C2orf72: variants seen among roughly 807,000 people sequenced by gnomAD.
The protein encoded by C2orf72 is chromosome 2 open reading frame 72.
Under a neutral mutation model 14.4 loss-of-function variants are expected in C2orf72, and 16 were observed. The ratio of observed to expected loss-of-function variants is 1.11; its 90% CI spans 0.75 to 1.69. The LOEUF is 1.69. Ranked by LOEUF, C2orf72 falls within the 40% of genes most tolerant of loss-of-function variation. The pLI, the probability that C2orf72 is intolerant of heterozygous loss-of-function variation, is 0.00. For missense variants in C2orf72, 371 were observed against 358.3 expected (o/e 1.04, Z -0.29); for synonymous variants, 168 against 176.8 (o/e 0.95, Z 0.40).
At chr2:231,038,258 A>T in intron 1 of C2orf72, 59 bp downstream of exon 1, 2 of 1,144,008 alleles carry the variant, frequency 1.7e-6, no homozygotes, top group Non-Finnish European at 2.2e-6. Context: ...CACGTCCCCC[A>T]AGTTGGACCC....
intron 1 of C2orf72, among the ~76,000 whole-genome samples, chr2:231,039,611 C>T (rs1338499002): frequency 6.6e-6 from 1 of 152,138 alleles, no homozygotes; most frequent in Non-Finnish European, 1.5e-5. Flanking sequence ...CCCTAACCCT[C>T]CTCCCTTAGG....
rs1693334199 is a variant in C2orf72 at position 231,041,134 on chromosome 2, A to T, written c.635-162A>T. 5.5e-6 allele frequency: 3 copies of T among 544,778 alleles called. No homozygotes were observed. In the East Asian group the frequency reaches 9.3e-5, roughly 17 times the overall value. The allele number at this position is 544,778 out of a possible 1,614,324, so 33.7% of individuals were successfully genotyped here. A position where few individuals can be genotyped will look rare whatever the true frequency, so the allele number is the denominator to read the frequency against. On this transcript the variant is annotated intron_variant, in intron 1 of 2. Transcript: ENST00000373640. ...GCAATCATTTTTAAAGTTCGGTTTT[A>T]AAAACCCACCCACTTTTGCAAATCA...
In C2orf72 at chr2:231,041,315, G is replaced by A; in HGVS notation, c.654G>A (p.Arg218=). 1 of 1,551,176 alleles carries A rather than the reference G, an allele frequency of 6.4e-7. No homozygotes were observed. The highest frequency in any genetic ancestry group is 8.7e-7 in the Non-Finnish European group (1 of 1,146,726). The change falls in exon 2 of 3, where the codon AGG becomes AGA. Residue 218 remains arginine (R), a synonymous_variant. Transcript: ENST00000373640. Reference sequence around the variant, plus strand: ...TCCTAGTGGAAGGAGCCTGGGAGAGGCCAGGCCTCCCCGGACTGCTAGCCT... The same window carrying A: ...TCCTAGTGGAAGGAGCCTGGGAGAGACCAGGCCTCCCCGGACTGCTAGCCT... ...AGQPVEGAWE[R]PGLPGLLACF...
Position 231,047,005 on chromosome 2 carries a change from C to T in C2orf72, c.872C>T (p.Thr291Ile). The change falls in exon 3 of 3, where the codon ACC becomes ATC. Residue 291 changes from threonine (T) to isoleucine (I), a missense_variant. Thr to Ile is a moderately conservative substitution (Grantham distance 89, BLOSUM62 -1). This residue lies in a region of C2orf72 where 145 missense variants were observed against 149.4 expected (regional missense o/e 0.97). Coordinates refer to ENST00000373640, the MANE Select transcript of C2orf72 (RefSeq NM_001144994.2). ...DGVVHTPAEP[T>I]GDSR ...GTCGTACACACTCCTGCTGAGCCCA[C>T]CGGAGACTCAAGATGAAGGCTGGAC... 4 of 1,551,704 alleles carry T rather than the reference C, an allele frequency of 2.6e-6. No homozygotes were observed. The highest frequency in any genetic ancestry group is 3.5e-6 in the Non-Finnish European group (4 of 1,146,986).
intron 1 of C2orf72, 147 bp downstream of exon 1, chr2:231,038,346 C>A: frequency 1.5e-6 from 1 of 656,552 alleles, no homozygotes; most frequent in Non-Finnish European, 2.0e-6. Flanking sequence ...GGCCTCGCAG[C>A]TAGCGGAGAG....
rs1693446275 is a variant in C2orf72 at position 231,048,381 on chromosome 2, CTTTGA to C, written c.*1365_*1369del. On this transcript the variant is annotated 3_prime_UTR_variant, in exon 3 of 3. Transcript: ENST00000373640. Reference sequence around the variant, plus strand: ...CGGTGCCCTGCAAGGTGCTGCCTAACTTTGATTTGTTATTTCAGCTCTCTCCAGGA... The same window carrying C: ...CGGTGCCCTGCAAGGTGCTGCCTAACTTTGTTATTTCAGCTCTCTCCAGGA... 2.0e-5 allele frequency: 3 copies of C among 152,436 alleles called. No individual in the cohort carries two copies. Among genetic ancestry groups the C allele is most frequent in the South Asian group, 4.1e-4 (2 of 4,832 alleles). 9.4% of individuals were successfully genotyped at this position (152,436 alleles called of 1,614,324 possible).
intron 1 of C2orf72, among the ~76,000 whole-genome samples, 158 bp downstream of exon 1, chr2:231,038,357 C>T (rs929008452): frequency 3.9e-5 from 6 of 152,148 alleles, no homozygotes; most frequent in Admixed American, 2.0e-4. Flanking sequence ...TAGCGGAGAG[C>T]GGGCCGTGCG....
At chr2:231,046,761 T>G in intron 2 of C2orf72, 121 bp from the exon 3 acceptor site, 1 of 965,022 alleles carries the variant, frequency 1.0e-6, no homozygotes, top group Non-Finnish European at 1.5e-6. Flanking sequence ...GTTTTTGATA[T>G]GTATTTTGTT....
Position 231,038,245 on chromosome 2 carries a change from G to A in C2orf72, c.634+46G>A, listed in dbSNP as rs536193374. On this transcript the variant is annotated intron_variant, in intron 1 of 2. Transcript: ENST00000373640. ...GCTGGGCGCGGGCGGGCGGTGGCTC[G>A]GGCACGTCCCCCAAGTTGGACCCCT... 2.1e-5 allele frequency: 25 copies of A among 1,171,784 alleles called. No individual in the cohort carries two copies. In the South Asian group the frequency reaches 6.4e-4, roughly 30 times the overall value. The allele number at this position is 1,171,784 out of a possible 1,614,324, so 72.6% of individuals were successfully genotyped here.
intron 1 of C2orf72, among the ~76,000 whole-genome samples, chr2:231,039,050 A>G (rs1407407656): frequency 2.6e-5 from 4 of 152,156 alleles, no homozygotes; most frequent in Non-Finnish European, 5.9e-5. Flanking sequence ...CATTAAGAGT[A>G]GCTGCATCTG....
chr2:231,047,115 AC>A lies in C2orf72; in HGVS notation c.*99del. On this transcript the variant is annotated 3_prime_UTR_variant, in exon 3 of 3. Coordinates refer to ENST00000373640, the MANE Select transcript of C2orf72 (RefSeq NM_001144994.2). Reference sequence around the variant, plus strand: ...CCAGGTCTCCATGGAGACTGCAGAAACCCCCGCCTGCTGGAGGCCTGCCACA... The same window carrying A: ...CCAGGTCTCCATGGAGACTGCAGAAACCCCGCCTGCTGGAGGCCTGCCACA... 2 of 1,466,440 alleles carry A rather than the reference AC, an allele frequency of 1.4e-6. No individual in the cohort carries two copies. Among genetic ancestry groups the A allele is most frequent in the Non-Finnish European group, 1.9e-6 (2 of 1,075,622 alleles). 90.8% of individuals were successfully genotyped at this position (1,466,440 alleles called of 1,614,324 possible).
chr2:231,041,910 G>A (rs569318850), intron 2 of C2orf72, among the ~76,000 whole-genome samples: 1 of 152,122 alleles, frequency 6.6e-6, no homozygotes, highest in Non-Finnish European at 1.5e-5. Context: ...AAACCAGTGA[G>A]GGCCAAGGCT....
rs1342010295 is a variant in C2orf72, at chr2:231,037,843, GGGCGGCGGC to G, written c.289_297del (p.Ala97_Ala99del). ...GCGGCGAGGGCGGCTGGGGCGGCGG[GGGCGGCGGC>G]GGCGGCGGCGCGCGCCATCCGCTCG... On this transcript the variant is annotated inframe_deletion, in exon 1 of 3. Coordinates refer to ENST00000373640, the MANE Select transcript of C2orf72 (RefSeq NM_001144994.2). 2.9e-5 allele frequency: 28 copies of G among 978,504 alleles called. No homozygotes were observed. The East Asian group carries it at 3.5e-4, about 12-fold the overall frequency. The allele number at this position is 978,504 out of a possible 1,614,324, so 60.6% of individuals were successfully genotyped here. A position where few individuals can be genotyped will look rare whatever the true frequency, so the allele number is the denominator to read the frequency against.
intron 2 of C2orf72, 64 bp from the exon 3 acceptor site, chr2:231,046,818 T>C (rs1284048011): frequency 6.8e-7 from 1 of 1,476,714 alleles, no homozygotes; most frequent in Non-Finnish European, 9.0e-7. Context: ...CTCCTTTTCC[T>C]TCCTAGATAA....
At chr2:231,042,228 T>A (rs927757405) in intron 2 of C2orf72, among the ~76,000 whole-genome samples, 3 of 152,088 alleles carry the variant, frequency 2.0e-5, no homozygotes, top group Admixed American at 1.3e-4. Flanking sequence ...CACCCCTCCA[T>A]GTCAATGCTG....
At chr2:231,039,048 G>T (rs1467906859) in intron 1 of C2orf72, among the ~76,000 whole-genome samples, 1 of 152,104 alleles carries the variant, frequency 6.6e-6, no homozygotes, top group Non-Finnish European at 1.5e-5. Context: ...CACATTAAGA[G>T]TAGCTGCATC....
rs1693438787 is a variant in C2orf72, at chr2:231,047,814, G to A, written c.*793G>A. The A allele has an allele frequency of 6.5e-6, 1 of 153,246 alleles. No individual in the cohort carries two copies. Among genetic ancestry groups the A allele is most frequent in the African/African-American group, 2.4e-5 (1 of 41,466 alleles). 9.5% of individuals were successfully genotyped at this position (153,246 alleles called of 1,614,324 possible). A position where few individuals can be genotyped will look rare whatever the true frequency, so the allele number is the denominator to read the frequency against. ...TACACTGTTGCCTTGGGGGCTTGTC[G>A]GGCCAGGGCCAAGACGGTCTGCGTG... On this transcript the variant is annotated 3_prime_UTR_variant, in exon 3 of 3. Coordinates refer to ENST00000373640, the MANE Select transcript of C2orf72 (RefSeq NM_001144994.2).
Position 231,037,526 on chromosome 2 carries a change from C to T in C2orf72, c.-40C>T, listed in dbSNP as rs1693267411. 1 of 997,602 alleles carries T rather than the reference C, an allele frequency of 1.0e-6. No individual in the cohort carries two copies. The highest frequency in any genetic ancestry group is 6.0e-5 in the Admixed American group (1 of 16,540). The allele number at this position is 997,602 out of a possible 1,614,324, so 61.8% of individuals were successfully genotyped here. ...CCCCGAGAGGCGGGCAGCGGGTGCG[C>T]CCGGGCCGCGGCGGCCGCAGAGGGC... On this transcript the variant is annotated 5_prime_UTR_variant, in exon 1 of 3. Transcript: ENST00000373640.
intron 1 of C2orf72, 100 bp downstream of exon 1, chr2:231,038,299 T>G: frequency 1.0e-6 from 1 of 952,578 alleles, no homozygotes; most frequent in Non-Finnish European, 1.3e-6. Flanking sequence ...AGCACCGAGG[T>G]AAACTGAGGC....
Sources: gnomAD v4.1 joint callset for allele counts (sites outside exome capture counted in the v4.1 genomes callset) on GRCh38, gnomAD v4.1.1 for gene constraint, gnomAD v4.1.1 regional missense constraint, MANE v1.5 for transcripts, NCBI Gene and HGNC (gene_info 2026-07-23, HGNC 2026-07-21) for gene names.